PDGFC: variants seen among roughly 807,000 people sequenced by gnomAD.
The protein encoded by PDGFC is platelet-derived growth factor C.
In PDGFC, 12 loss-of-function variants were observed where a neutral mutation model predicts 35.5. That is an observed-to-expected ratio of 0.34 (90% confidence interval 0.22 to 0.55). PDGFC has a LOEUF of 0.55. PDGFC is among the 20% of genes least tolerant of loss of function. The pLI, the probability that PDGFC is intolerant of heterozygous loss-of-function variation, is 0.91. For missense variants in PDGFC, 322 were observed against 412.4 expected, an observed-to-expected ratio of 0.78 and a Z score of 1.90; for synonymous variants, 159 against 148.8, an observed-to-expected ratio of 1.07 and a Z score of -0.50.
At chr4:156,961,368 A>G (rs899177147) in intron 1 of PDGFC, among the ~76,000 whole-genome samples, 5 of 152,152 alleles carry the variant, frequency 3.3e-5, no homozygotes, top group Admixed American at 2.6e-4. Context: ...TGATCTCTGT[A>G]GTGACTCAAA....
At chr4:156,930,432 C>A (rs936748033) in intron 1 of PDGFC, among the ~76,000 whole-genome samples, 1 of 152,164 alleles carries the variant, frequency 6.6e-6, no homozygotes, top group East Asian at 1.9e-4. Context: ...TTGGCGGGGA[C>A]CAATGTGGAG....
At chr4:156,968,804 C>T (rs1230629556) in intron 1 of PDGFC, among the ~76,000 whole-genome samples, 1 of 152,112 alleles carries the variant, frequency 6.6e-6, no homozygotes, top group African/African-American at 2.4e-5. Flanking sequence ...ATCCTCTACC[C>T]ACAGATTAGG....
intron 1 of PDGFC, among the ~76,000 whole-genome samples, chr4:156,960,643 T>C (rs1273871004): frequency 6.6e-6 from 1 of 151,930 alleles, no homozygotes; most frequent in Non-Finnish European, 1.5e-5. Flanking sequence ...AATTAACGCA[T>C]TTCCAGCAGA....
At chr4:156,874,780 A>G (rs1730072482) in intron 1 of PDGFC, among the ~76,000 whole-genome samples, 1 of 151,672 alleles carries the variant, frequency 6.6e-6, no homozygotes, top group Non-Finnish European at 1.5e-5. Context: ...GCAGTGGCGC[A>G]ATCTCAGCTC....
intron 1 of PDGFC, among the ~76,000 whole-genome samples, chr4:156,887,283 T>C (rs1730398473): frequency 1.3e-5 from 2 of 152,288 alleles, no homozygotes; most frequent in Middle Eastern, 3.4e-3. Context: ...TAAATTCTGT[T>C]AACTTGATAA....
At chr4:156,765,177 T>C (rs1730488274) in intron 5 of PDGFC, among the ~76,000 whole-genome samples, 1 of 152,156 alleles carries the variant, frequency 6.6e-6, no homozygotes, top group Admixed American at 6.5e-5. Flanking sequence ...AGGACACAAT[T>C]AGTGTTCTTG....
At position 156,763,190 on chromosome 4, in the gene PDGFC, G is replaced by C. The variant is rs764271106; in HGVS notation, c.938C>G (p.Pro313Arg). 5.2e-5 allele frequency: 83 copies of C among 1,598,826 alleles called. No individual in the cohort carries two copies. The highest frequency in any genetic ancestry group is 6.4e-5 in the Non-Finnish European group (75 of 1,166,372). ...GTGCAATCCCCTGACACCGGTCTTT[G>C]GTCTCAACTGAAGGACCTGAAAGGG... ...KKYHEVLQLR[P>R]KTGVRGLHKS... Residue 313 changes from proline to arginine, a missense_variant, in exon 6 of 6, where the codon CCA becomes CGA. Around this residue, in one of 2 missense-constraint regions of PDGFC, gnomAD observed 202 missense variants for 295.9 expected, o/e 0.68. Transcript: ENST00000502773.
intron 1 of PDGFC, among the ~76,000 whole-genome samples, chr4:156,967,916 A>T (rs547159586): frequency 5.3e-5 from 8 of 152,354 alleles, no homozygotes; most frequent in African/African-American, 1.9e-4. Context: ...AAGGTTAAAA[A>T]TTAAGTATAG....
intron 1 of PDGFC, among the ~76,000 whole-genome samples, chr4:156,892,844 CT>C (rs1730545156): frequency 6.6e-6 from 1 of 152,212 alleles, no homozygotes; most frequent in African/African-American, 2.4e-5. Context: ...TGTTATACTT[CT>C]TACGTCAAAC....
intron 1 of PDGFC, among the ~76,000 whole-genome samples, chr4:156,877,381 T>G (rs946805327): frequency 6.6e-6 from 1 of 152,132 alleles, no homozygotes; most frequent in Admixed American, 6.6e-5. Flanking sequence ...AATCTAAAAA[T>G]TACTCATGAC....
chr4:156,888,269 G>T (rs1171723969), intron 1 of PDGFC, among the ~76,000 whole-genome samples: 4 of 151,890 alleles, frequency 2.6e-5, no homozygotes, highest in African/African-American at 9.7e-5. Flanking sequence ...ACTCACCCTG[G>T]TATTTAGAGA....
At chr4:156,921,313 G>A (rs1731276060) in intron 1 of PDGFC, among the ~76,000 whole-genome samples, 1 of 152,132 alleles carries the variant, frequency 6.6e-6, no homozygotes, top group South Asian at 2.1e-4. Context: ...GTATCATCAT[G>A]TATTCAGAAC....
chr4:156,925,057 C>T (rs1416211742), intron 1 of PDGFC, among the ~76,000 whole-genome samples: 2 of 152,068 alleles, frequency 1.3e-5, no homozygotes, highest in African/African-American at 4.8e-5. Flanking sequence ...AAAGAATAAT[C>T]AGAGATAAAA....
chr4:156,837,993 C>T (rs1297257740), intron 2 of PDGFC, among the ~76,000 whole-genome samples: 1 of 151,372 alleles, frequency 6.6e-6, no homozygotes, highest in Non-Finnish European at 1.5e-5. Context: ...TTTTAAGTTA[C>T]AAAAGTAATT....
intron 1 of PDGFC, among the ~76,000 whole-genome samples, chr4:156,928,587 G>A (rs546301947): frequency 3.3e-5 from 5 of 152,172 alleles, no homozygotes; most frequent in African/African-American, 4.8e-5. Flanking sequence ...GCAAATGGAG[G>A]AGACTGGAAG....
chr4:156,927,995 A>T (rs1037593014), intron 1 of PDGFC, among the ~76,000 whole-genome samples: 7 of 152,192 alleles, frequency 4.6e-5, no homozygotes, highest in Non-Finnish European at 8.8e-5. Flanking sequence ...AGTGAAAGGC[A>T]ATCCTTACAT....
chr4:156,860,177 T>C (rs981901872), intron 1 of PDGFC, among the ~76,000 whole-genome samples: 3 of 152,302 alleles, frequency 2.0e-5, no homozygotes, highest in Admixed American at 6.5e-5. Context: ...TAACACCCCA[T>C]TATCACTAGT....
intron 2 of PDGFC, among the ~76,000 whole-genome samples, chr4:156,833,929 A>G (rs923722274): frequency 2.0e-5 from 3 of 152,238 alleles, no homozygotes; most frequent in African/African-American, 7.2e-5. Context: ...CATTTATTAC[A>G]TAACAACTAT....
chr4:156,852,128 C>T (rs1373654378), intron 1 of PDGFC, among the ~76,000 whole-genome samples: 1 of 151,986 alleles, frequency 6.6e-6, no homozygotes, highest in East Asian at 1.9e-4. Context: ...GGATATCTGA[C>T]AATTATATAG....
Sources: gnomAD v4.1 joint callset for allele counts (sites outside exome capture counted in the v4.1 genomes callset) on GRCh38, gnomAD v4.1.1 for gene constraint, gnomAD v4.1.1 regional missense constraint, MANE v1.5 for transcripts, NCBI Gene and HGNC (gene_info 2026-07-23, HGNC 2026-07-21) for gene names.